The following HRH1 variants were observed in gnomAD, a reference collection of about 807,000 sequenced individuals.
HRH1 encodes histamine H1 receptor.
HRH1 carries 6 observed loss-of-function variants against 10.3 expected under a neutral mutation model. The ratio of observed to expected loss-of-function variants is 0.58; its 90% confidence interval spans 0.32 to 1.15. The LOEUF (loss-of-function observed/expected upper bound fraction) is 1.15, where lower values mean the gene tolerates loss of function less well. Ranked by LOEUF, HRH1 falls within the 50% of genes most tolerant of loss-of-function variation. The probability of loss-of-function intolerance (pLI) is 0.05; values close to 1 mark genes in which losing one functional copy is unlikely to be tolerated. For synonymous variants in HRH1, 242 were observed against 236.7 expected, an observed-to-expected ratio of 1.02 and a Z score of -0.21; for missense variants, 514 against 615.3, an observed-to-expected ratio of 0.84 and a Z score of 1.74.
chr3:11,242,480 C>CAAAAAAAAAAAAAA lies in HRH1; in HGVS notation c.-35-16507_-35-16494dup, dbSNP rs35809891. Among the ~76,000 whole-genome samples, 9 of 50,380 alleles carry CAAAAAAAAAAAAAA rather than the reference C, an allele frequency of 1.8e-4. 1 individual carries two copies. The highest frequency in any genetic ancestry group is 1.6e-3 in the South Asian group (1 of 636). The allele number at this position is 50,380 out of a possible 152,430, so 33.1% of individuals were successfully genotyped here. A position where few individuals can be genotyped will look rare whatever the true frequency, so the allele number is the denominator to read the frequency against. On this transcript the variant is annotated intron_variant, in intron 1 of 1. Coordinates refer to ENST00000431010, the MANE Select transcript of HRH1 (RefSeq NM_001098212.2). The stretch of plus-strand genomic sequence containing the variant: ...TGGGCAACAGAGCCAGACTCCGTCT[C>CAAAAAAAAAAAAAA]AAAAAAAAAAAAAAAAAAAAAAAAA...
intron 1 of HRH1, among the ~76,000 whole-genome samples, chr3:11,138,704 ATTT>A (rs35194961): frequency 0.23 from 31,790 of 139,204 alleles, 3,995 homozygotes; most frequent in Admixed American, 0.39. Flanking sequence ...TCATAGCTGA[ATTT>A]TTTTTTTTTT....
intron 1 of HRH1, among the ~76,000 whole-genome samples, chr3:11,242,540 G>T (rs13071193): frequency 0.46 from 64,428 of 141,524 alleles, 15,751 homozygotes; most frequent in African/African-American, 0.65. Context: ...GGTCTGCGTC[G>T]CCATTCTTGA....
chr3:11,199,069 G>A (rs1271604837), intron 1 of HRH1, among the ~76,000 whole-genome samples: 3 of 152,000 alleles, frequency 2.0e-5, no homozygotes, highest in Non-Finnish European at 2.9e-5. Context: ...AATTACAGGT[G>A]CATTCCACCA....
At chr3:11,181,270 C>T (rs558651668) in intron 1 of HRH1, among the ~76,000 whole-genome samples, 11 of 152,048 alleles carry the variant, frequency 7.2e-5, no homozygotes, top group African/African-American at 2.4e-4. Flanking sequence ...GGTGACAGAG[C>T]GAGACCCTGT....
chr3:11,145,294 G>A (rs752922706), intron 1 of HRH1, among the ~76,000 whole-genome samples: 3 of 152,122 alleles, frequency 2.0e-5, no homozygotes. Flanking sequence ...CCTTCTCTCA[G>A]TCAACTTCTC....
At chr3:11,175,907 C>G (rs1387768219) in intron 1 of HRH1, among the ~76,000 whole-genome samples, 3 of 152,076 alleles carry the variant, frequency 2.0e-5, no homozygotes, top group Non-Finnish European at 4.4e-5. Context: ...GCCTGTAATC[C>G]TAGCACTTTG....
In HRH1 at chr3:11,259,251, G is replaced by A; in HGVS notation, c.214G>A (p.Ala72Thr). 6.2e-7 allele frequency: 1 copy of A among 1,613,444 alleles called. No individual in the cohort carries two copies. The highest frequency in any genetic ancestry group is 8.5e-7 in the Non-Finnish European group (1 of 1,179,836). The change falls in exon 2 of 2, where the codon GCG becomes ACG. Residue 72 changes from alanine to threonine, a missense_variant. By Grantham distance (58) the Ala-to-Thr change is moderately conservative. Transcript: ENST00000431010. This position sits in a 1 kb window ranked among gnomAD's most constrained non-coding sequence, Gnocchi z 4.6. ...CCTGTACATCGTCAGCCTCTCGGTG[G>A]CGGACTTGATCGTGGGTGCCGTCGT... Reference protein sequence around the residue: ...GNLYIVSLSVADLIVGAVVMP... With the variant: ...GNLYIVSLSVTDLIVGAVVMP...
intron 1 of HRH1, among the ~76,000 whole-genome samples, chr3:11,225,869 G>C (rs1938866522): frequency 1.3e-5 from 2 of 152,206 alleles, no homozygotes; most frequent in Admixed American, 1.3e-4. Context: ...CTTTATAAGG[G>C]TTGTAATTGA....
At chr3:11,197,521 C>G (rs1037330056) in intron 1 of HRH1, among the ~76,000 whole-genome samples, 11 of 152,112 alleles carry the variant, frequency 7.2e-5, no homozygotes, top group African/African-American at 2.4e-4. Flanking sequence ...AAGGTACTGT[C>G]TGGGAAAGGC....
chr3:11,157,255 CTCAGGATGAATG>C (rs1936827657), intron 1 of HRH1, among the ~76,000 whole-genome samples: 1 of 152,116 alleles, frequency 6.6e-6, no homozygotes, highest in Non-Finnish European at 1.5e-5. Flanking sequence ...GTATCTGTTT[CTCAGGATGAATG>C]TCAGGATGGA....
At chr3:11,238,124 C>G (rs902913900) in intron 1 of HRH1, among the ~76,000 whole-genome samples, 5 of 152,072 alleles carry the variant, frequency 3.3e-5, no homozygotes, top group African/African-American at 1.2e-4. Flanking sequence ...CTTTAAAAAT[C>G]CCAGCCTGTC....
At chr3:11,201,344 C>A (rs1937899000) in intron 1 of HRH1, among the ~76,000 whole-genome samples, 2 of 152,108 alleles carry the variant, frequency 1.3e-5, no homozygotes, top group African/African-American at 4.8e-5. Flanking sequence ...CTTTCATAGG[C>A]AAAGGGGACA....
chr3:11,224,466 G>A (rs953447770), intron 1 of HRH1, among the ~76,000 whole-genome samples: 1 of 152,204 alleles, frequency 6.6e-6, no homozygotes, highest in African/African-American at 2.4e-5. Flanking sequence ...GGGAGGCCGC[G>A]GCAGGCGGAT....
chr3:11,242,363 C>G (rs1398360159), intron 1 of HRH1, among the ~76,000 whole-genome samples: 2 of 151,426 alleles, frequency 1.3e-5, no homozygotes, highest in Non-Finnish European at 2.9e-5. Flanking sequence ...TGCCTGTACT[C>G]CCAGATATTC....
At chr3:11,208,153 CTTTTTT>C (rs113950173) in intron 1 of HRH1, among the ~76,000 whole-genome samples, 9 of 139,964 alleles carry the variant, frequency 6.4e-5, no homozygotes, top group Admixed American at 4.2e-4. Context: ...CCAGTTTTTT[CTTTTTT>C]TTTTTTTTTT....
At chr3:11,140,557 T>C (rs1039999030) in intron 1 of HRH1, among the ~76,000 whole-genome samples, 5 of 151,954 alleles carry the variant, frequency 3.3e-5, no homozygotes, top group African/African-American at 1.2e-4. Flanking sequence ...CCAGGCACCA[T>C]CCTCTCCCCG....
At chr3:11,175,882 G>C (rs1430641496) in intron 1 of HRH1, among the ~76,000 whole-genome samples, 2 of 152,148 alleles carry the variant, frequency 1.3e-5, no homozygotes, top group Non-Finnish European at 2.9e-5. Flanking sequence ...GAATAGGCGG[G>C]GCACATGGGC....
chr3:11,200,644 T>C (rs1368331009), intron 1 of HRH1, among the ~76,000 whole-genome samples: 1 of 152,206 alleles, frequency 6.6e-6, no homozygotes, highest in African/African-American at 2.4e-5. Context: ...CCCACACTTA[T>C]ACCTCGCACA....
chr3:11,198,995 T>C (rs775682626), intron 1 of HRH1, among the ~76,000 whole-genome samples: 1 of 151,618 alleles, frequency 6.6e-6, no homozygotes, highest in Non-Finnish European at 1.5e-5. Flanking sequence ...ACTATCTCAG[T>C]TCATTGCAGC....
Sources: allele counts gnomAD v4.1 joint callset (sites outside exome capture counted in the v4.1 genomes callset), GRCh38; gene constraint gnomAD v4.1.1; non-coding constraint Gnocchi (gnomAD v3.1); transcripts MANE v1.5; gene names NCBI Gene and HGNC (gene_info 2026-07-23, HGNC 2026-07-21).